Variants in PTPRK observed in about 807,000 individuals in gnomAD.
The protein encoded by PTPRK is receptor-type tyrosine-protein phosphatase kappa.
A neutral mutation model predicts 178.0 loss-of-function variants in PTPRK; 75 were observed. The ratio of observed to expected loss-of-function variants is 0.42; its 90% CI spans 0.35 to 0.51. The LOEUF (loss-of-function observed/expected upper bound fraction) is 0.51. PTPRK is among the 20% of genes least tolerant of loss of function. PTPRK has a pLI of 0.02. For synonymous variants in PTPRK, 637 were observed against 620.6 expected, an observed-to-expected ratio of 1.03 and a Z score of -0.39; for missense variants, 1,441 against 1,797.8, an observed-to-expected ratio of 0.80 and a Z score of 3.59.
chr6:128,219,209 A>T, intron 5 of PTPRK, 113 bp from the exon 6 acceptor site: 1 of 958,900 alleles, frequency 1.0e-6, no homozygotes, highest in Non-Finnish European at 1.5e-6. Flanking sequence ...AAGAGCCACA[A>T]TTTTTTTCCA....
chr6:128,374,192 C>T (rs1216422548), intron 2 of PTPRK, among the ~76,000 whole-genome samples: 4 of 152,152 alleles, frequency 2.6e-5, no homozygotes, highest in African/African-American at 9.7e-5. Context: ...CAGTCCACTA[C>T]TGCTTAGTTT....
At chr6:128,191,282 A>G (rs1381231409) in intron 6 of PTPRK, among the ~76,000 whole-genome samples, 1 of 152,130 alleles carries the variant, frequency 6.6e-6, no homozygotes, top group East Asian at 1.9e-4. Context: ...ACTGGGGGCA[A>G]TTATTCAAAA....
intron 22 of PTPRK, among the ~76,000 whole-genome samples, chr6:127,985,205 T>C (rs929243644): frequency 2.0e-5 from 3 of 152,192 alleles, no homozygotes; most frequent in African/African-American, 7.2e-5. Flanking sequence ...TTTTTTGGCA[T>C]ATATTTGCTG....
intron 1 of PTPRK, among the ~76,000 whole-genome samples, chr6:128,471,334 T>C (rs1850622461): frequency 6.6e-6 from 1 of 151,806 alleles, no homozygotes; most frequent in South Asian, 2.1e-4. Context: ...TTCAAGACAT[T>C]TGGAAGTAGA....
Position 128,219,068 on chromosome 6 carries a change from G to T in PTPRK, c.722C>A (p.Ala241Asp), listed in dbSNP as rs1430005126. Residue 241 changes from alanine to aspartate, a missense_variant, in exon 6 of 30, where the codon GCC becomes GAC. Transcript: ENST00000368226. ...QRRNGEDIPV[A>D]QTKNINHRRF... Reference sequence around the variant, plus strand: ...TCTATGATTGATGTTCTTAGTCTGGGCTACTGGTATATCTTCTCCATTTCG... The same window carrying T: ...TCTATGATTGATGTTCTTAGTCTGGTCTACTGGTATATCTTCTCCATTTCG... 6.2e-7 allele frequency: 1 copy of T among 1,613,702 alleles called. No homozygotes were observed. The highest frequency in any genetic ancestry group is 8.5e-7 in the Non-Finnish European group (1 of 1,179,816).
At chr6:128,048,747 C>T (rs1488988814) in intron 13 of PTPRK, among the ~76,000 whole-genome samples, 1 of 152,148 alleles carries the variant, frequency 6.6e-6, no homozygotes, top group African/African-American at 2.4e-5. Context: ...GAAGGATGTA[C>T]ATAGGTTACA....
chr6:127,992,679 T>C lies in PTPRK; in HGVS notation c.2875A>G (p.Thr959Ala). The change falls in exon 19 of 30, where the codon ACC becomes GCC. Residue 959 changes from threonine to alanine, a missense_variant. Physicochemically the swap from Thr to Ala is moderately conservative, Grantham distance 58. This residue lies in a region of PTPRK where 945 missense variants were observed against 1,080.6 expected (regional missense o/e 0.87). Transcript: ENST00000368226. ...GYQRPSHYIA[T>A]QGPVHETVYD... ...TAACAAGGCAAAGTTTTACCTTGGGTTGCAATGTAATGACTTGGTCTCTGG... is the reference window on the plus strand; with the variant it reads ...TAACAAGGCAAAGTTTTACCTTGGGCTGCAATGTAATGACTTGGTCTCTGG... 2 of 1,589,848 alleles carry C rather than the reference T, an allele frequency of 1.3e-6. No homozygotes were observed. Among genetic ancestry groups the C allele is most frequent in the Non-Finnish European group, 1.7e-6 (2 of 1,169,758 alleles).
chr6:128,440,834 C>T (rs1454794765), intron 1 of PTPRK, among the ~76,000 whole-genome samples: 3 of 151,944 alleles, frequency 2.0e-5, no homozygotes, highest in African/African-American at 4.8e-5. Flanking sequence ...TAGTTCCATG[C>T]TGATGGACGT....
chr6:128,018,896 A>G (rs558889617), intron 13 of PTPRK, among the ~76,000 whole-genome samples: 10 of 152,286 alleles, frequency 6.6e-5, no homozygotes, highest in Admixed American at 5.9e-4. Context: ...TGATGGGTAC[A>G]AAACATTGTA....
At chr6:128,166,801 C>T (rs1028763747) in intron 7 of PTPRK, among the ~76,000 whole-genome samples, 1 of 151,502 alleles carries the variant, frequency 6.6e-6, no homozygotes, top group African/African-American at 2.4e-5. Context: ...TCTTTTTGTG[C>T]TTTAGTAAAT....
At chr6:128,151,438 C>G (rs989677591) in intron 7 of PTPRK, among the ~76,000 whole-genome samples, 4 of 151,850 alleles carry the variant, frequency 2.6e-5, no homozygotes, top group African/African-American at 9.7e-5. Context: ...TAGATTATTA[C>G]TAAATATGAG....
intron 13 of PTPRK, among the ~76,000 whole-genome samples, chr6:128,013,588 T>C (rs920950830): frequency 2.6e-5 from 4 of 151,464 alleles, no homozygotes; most frequent in Non-Finnish European, 5.9e-5. Context: ...CTATGCATCA[T>C]TCTTGAATCC....
At chr6:128,464,638 C>CATATATATATATGTAT (rs1849544061) in intron 1 of PTPRK, among the ~76,000 whole-genome samples, 1 of 48,602 alleles carries the variant, frequency 2.1e-5, no homozygotes, top group African/African-American at 9.5e-5. Context: ...TATATATACA[C>CATATATATATATGTAT]ATATATATAT....
intron 2 of PTPRK, among the ~76,000 whole-genome samples, chr6:128,386,429 G>A (rs903843410): frequency 2.6e-5 from 4 of 152,084 alleles, no homozygotes; most frequent in African/African-American, 9.7e-5. Flanking sequence ...CGGCCTGAGA[G>A]GAAATAGTTA....
intron 1 of PTPRK, among the ~76,000 whole-genome samples, chr6:128,502,314 A>G (rs988725451): frequency 2.6e-5 from 4 of 152,254 alleles, no homozygotes; most frequent in Non-Finnish European, 5.9e-5. Context: ...TAAACAGAAA[A>G]ACAGTCTTCT....
At chr6:128,400,674 G>A (rs1363910609) in intron 1 of PTPRK, among the ~76,000 whole-genome samples, 1 of 152,152 alleles carries the variant, frequency 6.6e-6, no homozygotes, top group Admixed American at 6.5e-5. Flanking sequence ...ATCATATACA[G>A]TTCCTATTGA....
intron 21 of PTPRK, among the ~76,000 whole-genome samples, chr6:127,989,823 T>A (rs1776398876): frequency 6.6e-6 from 1 of 152,024 alleles, no homozygotes; most frequent in African/African-American, 2.4e-5. Flanking sequence ...AGTTTTTTTT[T>A]TTTTCTTCTA....
chr6:128,462,625 TTTTA>T (rs201968289), intron 1 of PTPRK, among the ~76,000 whole-genome samples: 31,486 of 142,776 alleles, frequency 0.22, 3,583 homozygotes, highest in African/African-American at 0.26. Flanking sequence ...AGTAGGTATA[TTTTA>T]TTTATTTATT....
rs773036710 is a variant in PTPRK at position 127,985,852 on chromosome 6, T to C, written c.3120A>G (p.Glu1040=). 6.2e-7 allele frequency: 1 copy of C among 1,611,982 alleles called. No individual in the cohort carries two copies. Among genetic ancestry groups the C allele is most frequent in the African/African-American group, 1.3e-5 (1 of 75,000 alleles). Reference sequence around the variant, plus strand: ...AGCCCGTGAAATGGAACTGTTTAACTTCACGGATTTCATTGTACCCCCTCT... The same window carrying C: ...AGCCCGTGAAATGGAACTGTTTAACCTCACGGATTTCATTGTACCCCCTCT... The part of the protein sequence containing the change: ...LERRGYNEIR[E]VKQFHFTGWP... The change falls in exon 22 of 30, where the codon GAA becomes GAG. Residue 1040 remains glutamate, a synonymous_variant. Coordinates refer to ENST00000368226, the MANE Select transcript of PTPRK (RefSeq NM_002844.4).
Sources: allele counts gnomAD v4.1 joint callset (sites outside exome capture counted in the v4.1 genomes callset), GRCh38; gene constraint gnomAD v4.1.1; regional missense constraint gnomAD v4.1.1; transcripts MANE v1.5; gene names NCBI Gene and HGNC (gene_info 2026-07-23, HGNC 2026-07-21).